KCNH8: variants seen among roughly 807,000 people sequenced by gnomAD.
KCNH8 encodes the protein potassium voltage-gated channel subfamily H member 8, also known as voltage-gated delayed rectifier potassium channel KCNH8.
A neutral mutation model predicts 103.6 loss-of-function variants in KCNH8; 70 were observed. The observed-to-expected ratio is 0.68, with a 90% CI of 0.56 to 0.82. KCNH8 has a LOEUF of 0.82. Among genes scored for constraint, KCNH8 ranks in the 40% least tolerant of loss-of-function variants. KCNH8 has a pLI of 0.00. For synonymous variants in KCNH8, 498 were observed against 489.4 expected (o/e 1.02, Z -0.23); for missense variants, 1,217 against 1,329.9 (o/e 0.92, Z 1.32).
Position 19,349,491 on chromosome 3 carries a change from G to A in KCNH8, c.811+1526G>A, listed in dbSNP as rs376028630. Among the ~76,000 whole-genome samples, 177 of 152,096 alleles carry A rather than the reference G, an allele frequency of 1.2e-3. 3 individuals carry two copies. In the South Asian group the frequency reaches 0.035, roughly 30 times the overall value. ...TTTTTTGTAGTAGTGATTTCATAGGGTTTTGTGAAATAATAGATGTAAGTA... is the reference window on the plus strand; with the variant it reads ...TTTTTTGTAGTAGTGATTTCATAGGATTTTGTGAAATAATAGATGTAAGTA... On this transcript the variant is annotated intron_variant, in intron 5 of 15. Coordinates refer to ENST00000328405, the MANE Select transcript of KCNH8 (RefSeq NM_144633.3).
chr3:19,465,889 T>G (rs1241617226), intron 11 of KCNH8, among the ~76,000 whole-genome samples: 1 of 152,040 alleles, frequency 6.6e-6, no homozygotes, highest in Non-Finnish European at 1.5e-5. Flanking sequence ...TTGCTGCAAT[T>G]TTATGATAAA....
At chr3:19,522,177 A>G (rs763112208) in intron 15 of KCNH8, among the ~76,000 whole-genome samples, 14 of 151,974 alleles carry the variant, frequency 9.2e-5, no homozygotes, top group Non-Finnish European at 1.8e-4. Flanking sequence ...AAACAAAAAA[A>G]AAATGAGCTT....
At chr3:19,518,447 G>A (rs752078530) in intron 15 of KCNH8, among the ~76,000 whole-genome samples, 6 of 152,030 alleles carry the variant, frequency 3.9e-5, no homozygotes, top group Non-Finnish European at 7.4e-5. Context: ...AAGCAAGGTC[G>A]TAAGTTCACA....
intron 10 of KCNH8, among the ~76,000 whole-genome samples, chr3:19,454,813 G>A (rs1224430651): frequency 6.6e-6 from 1 of 152,066 alleles, no homozygotes; most frequent in African/African-American, 2.4e-5. Context: ...TACATCAAAA[G>A]TGCAAATTGC....
At chr3:19,212,128 T>G (rs1437616076) in intron 1 of KCNH8, among the ~76,000 whole-genome samples, 2 of 152,234 alleles carry the variant, frequency 1.3e-5, no homozygotes, top group African/African-American at 4.8e-5. Flanking sequence ...TTTATCCAGA[T>G]AGTAATAGCT....
intron 1 of KCNH8, among the ~76,000 whole-genome samples, chr3:19,215,198 T>C (rs2063806794): frequency 6.6e-6 from 1 of 152,204 alleles, no homozygotes; most frequent in South Asian, 2.1e-4. Context: ...TAGTTCTCCA[T>C]TTCCTGGGAA....
intron 7 of KCNH8, among the ~76,000 whole-genome samples, chr3:19,402,486 G>C (rs1669808666): frequency 6.6e-6 from 1 of 151,840 alleles, no homozygotes; most frequent in African/African-American, 2.4e-5. Context: ...TGTGAAAGCA[G>C]TTTGCAAATT....
At chr3:19,470,569 C>T (rs1324840192) in intron 11 of KCNH8, among the ~76,000 whole-genome samples, 1 of 152,168 alleles carries the variant, frequency 6.6e-6, no homozygotes, top group Non-Finnish European at 1.5e-5. Context: ...CCAGCTTTCA[C>T]TAATTATTGT....
intron 3 of KCNH8, among the ~76,000 whole-genome samples, chr3:19,331,291 G>A (rs897626298): frequency 9.0e-6 from 1 of 111,612 alleles, no homozygotes; most frequent in Non-Finnish European, 2.0e-5. Flanking sequence ...ATTTATTGTT[G>A]TTATTATTAT....
intron 2 of KCNH8, among the ~76,000 whole-genome samples, chr3:19,276,265 A>G (rs1307675674): frequency 6.6e-6 from 1 of 151,086 alleles, no homozygotes; most frequent in Non-Finnish European, 1.5e-5. Flanking sequence ...CAAGCCTGTT[A>G]TTTTATCATT....
intron 1 of KCNH8, among the ~76,000 whole-genome samples, chr3:19,169,255 CTTTTTTTTTTTT>C (rs768036667): frequency 1.6e-5 from 2 of 124,964 alleles, no homozygotes; most frequent in African/African-American, 6.3e-5. Flanking sequence ...TTCTTTCTTT[CTTTTTTTTTTTT>C]TTTTTTTTTG....
intron 15 of KCNH8, among the ~76,000 whole-genome samples, chr3:19,531,913 G>A (rs1377511621): frequency 6.6e-6 from 1 of 152,112 alleles, no homozygotes; most frequent in Non-Finnish European, 1.5e-5. Flanking sequence ...GTAAAATAAA[G>A]TCATAGAAAG....
chr3:19,153,635 C>CTTTTTTTTTTTT (rs773828081), intron 1 of KCNH8, among the ~76,000 whole-genome samples: 7 of 128,914 alleles, frequency 5.4e-5, no homozygotes, highest in East Asian at 2.2e-4. Context: ...TTTCTTTTTT[C>CTTTTTTTTTTTT]TTTTTTTTTT....
intron 1 of KCNH8, among the ~76,000 whole-genome samples, chr3:19,200,443 G>T (rs1359403336): frequency 6.6e-6 from 1 of 151,200 alleles, no homozygotes; most frequent in East Asian, 1.9e-4. Context: ...TTTACTGAAA[G>T]CCCTGAATAT....
intron 5 of KCNH8, among the ~76,000 whole-genome samples, chr3:19,372,696 C>G (rs2066119932): frequency 6.6e-6 from 1 of 152,166 alleles, no homozygotes. Flanking sequence ...TGCCCGTTTT[C>G]AAAGGGAATG....
chr3:19,350,609 C>T (rs2065787309), intron 5 of KCNH8, among the ~76,000 whole-genome samples: 1 of 152,134 alleles, frequency 6.6e-6, no homozygotes, highest in East Asian at 1.9e-4. Context: ...GATACCTAGG[C>T]AAACAGGGTC....
At chr3:19,207,151 A>C (rs1319198231) in intron 1 of KCNH8, among the ~76,000 whole-genome samples, 1 of 152,020 alleles carries the variant, frequency 6.6e-6, no homozygotes, top group Non-Finnish European at 1.5e-5. Context: ...ACTTTTGGGA[A>C]CATAAATAGA....
intron 14 of KCNH8, among the ~76,000 whole-genome samples, chr3:19,517,218 A>G (rs2068889487): frequency 6.6e-6 from 1 of 152,068 alleles, no homozygotes; most frequent in South Asian, 2.1e-4. Context: ...GGCCTATTGT[A>G]TATGACCTTC....
chr3:19,465,676 T>C (rs561020451), intron 11 of KCNH8, among the ~76,000 whole-genome samples: 3 of 151,648 alleles, frequency 2.0e-5, no homozygotes, highest in African/African-American at 7.3e-5. Flanking sequence ...GGAAAAATTT[T>C]GGCATTCTAG....
Sources: gnomAD v4.1 joint callset for allele counts (sites outside exome capture counted in the v4.1 genomes callset) on GRCh38, gnomAD v4.1.1 for gene constraint, MANE v1.5 for transcripts, NCBI Gene and HGNC (gene_info 2026-07-23, HGNC 2026-07-21) for gene names.